LRIT3: variants seen among roughly 807,000 people sequenced by gnomAD.
The protein encoded by LRIT3 is leucine-rich repeat, immunoglobulin-like domain and transmembrane domain-containing protein 3.
Under a neutral mutation model 22.6 loss-of-function variants are expected in LRIT3, and 14 were observed. That is an observed-to-expected ratio of 0.62 (90% CI 0.41 to 0.97). The LOEUF (loss-of-function observed/expected upper bound fraction) is 0.97. LRIT3 is among the 50% of genes least tolerant of loss of function. The probability of loss-of-function intolerance (pLI) is 0.00; values close to 1 mark genes in which losing one functional copy is unlikely to be tolerated. For missense variants in LRIT3, 783 were observed against 803.0 expected (o/e 0.98, Z 0.30); for synonymous variants, 306 against 304.5 (o/e 1.01, Z -0.05).
intron 1 of LRIT3, among the ~76,000 whole-genome samples, chr4:109,850,414 C>T (rs1217953994): frequency 0.099 from 1,147 of 11,640 alleles, 85 homozygotes; most frequent in Middle Eastern, 0.17. Flanking sequence ...TTCCTTCCTT[C>T]CTTCCTTCCT....
rs150360181 is a variant in LRIT3, at chr4:109,853,147, G to A, written c.589+1171G>A. 4.1e-3 allele frequency among the ~76,000 whole-genome samples: 627 copies of A among 152,284 alleles called. 13 individuals are homozygous for A. Among genetic ancestry groups the A allele is most frequent in the African/African-American group, 0.014 (593 of 41,534 alleles). On this transcript the variant is annotated intron_variant, in intron 2 of 3. Transcript: ENST00000594814. ...GGTATTTCTGGTTCTAGGTCCTTGAGGAATTGCCACACTGTCTTCCACAAT... is the reference window on the plus strand; with the variant it reads ...GGTATTTCTGGTTCTAGGTCCTTGAAGAATTGCCACACTGTCTTCCACAAT...
intron 2 of LRIT3, among the ~76,000 whole-genome samples, chr4:109,863,017 C>T (rs531240212): frequency 2.0e-5 from 3 of 151,888 alleles, no homozygotes; most frequent in Non-Finnish European, 2.9e-5. Flanking sequence ...TAAATAATAG[C>T]GCTTATGACT....
chr4:109,854,920 C>T (rs547288436), intron 2 of LRIT3, among the ~76,000 whole-genome samples: 22 of 152,090 alleles, frequency 1.4e-4, no homozygotes, highest in Non-Finnish European at 1.6e-4. Flanking sequence ...AGGGATGAAG[C>T]CAACTTGATT....
At chr4:109,860,231 G>C (rs976903058) in intron 2 of LRIT3, among the ~76,000 whole-genome samples, 7 of 152,058 alleles carry the variant, frequency 4.6e-5, no homozygotes, top group African/African-American at 1.7e-4. Context: ...TGGGGGTGTT[G>C]TTTTACTTGT....
In LRIT3 at chr4:109,851,834, C is replaced by G. The variant is rs567813725; in HGVS notation, c.447C>G (p.Leu149=). Residue 149 remains leucine (L), a synonymous_variant, in exon 2 of 4, where the codon CTC becomes CTG. Transcript: ENST00000594814. ...NKITSVPNEA[L]RYLKNLAYLD... ...TAACCAGTGTGCCAAATGAGGCGCT[C>G]AGGTATCTGAAGAACCTTGCCTACT... The G allele has an allele frequency of 2.8e-5, 44 of 1,551,732 alleles. No homozygotes were observed. The East Asian group carries it at 4.6e-4, about 16-fold the overall frequency.
intron 3 of LRIT3, among the ~76,000 whole-genome samples, chr4:109,868,654 C>A (rs1467972568): frequency 6.6e-6 from 1 of 150,382 alleles, no homozygotes; most frequent in Non-Finnish European, 1.5e-5. Flanking sequence ...TATTATGAAT[C>A]AAAAAGTATA....
intron 2 of LRIT3, among the ~76,000 whole-genome samples, chr4:109,865,644 A>G (rs1302169130): frequency 6.6e-6 from 1 of 152,200 alleles, no homozygotes; most frequent in African/African-American, 2.4e-5. Flanking sequence ...ATTTTACAAA[A>G]GATTTTAAGT....
rs1734284481 is a variant in LRIT3, at chr4:109,851,956, C to T, written c.569C>T (p.Ser190Phe). ...VSTPSGVLDL[S>F]PSRIILGLQD... ...ACACCTTCTGGAGTCCTGGACCTTT[C>T]CCCAAGCAGGATTATTCTTGGTAAG... Residue 190 changes from serine (S) to phenylalanine (F), a missense_variant, in exon 2 of 4, where the codon TCC becomes TTC. Coordinates refer to ENST00000594814, the MANE Select transcript of LRIT3 (RefSeq NM_198506.5). The T allele has an allele frequency of 6.5e-7, 1 of 1,547,690 alleles. No homozygotes were observed. Among genetic ancestry groups the T allele is most frequent in the Non-Finnish European group, 8.7e-7 (1 of 1,145,416 alleles).
At position 109,867,912 on chromosome 4, in the gene LRIT3, G is replaced by T; in HGVS notation, c.861G>T (p.Trp287Cys). 6.2e-7 allele frequency: 1 copy of T among 1,612,144 alleles called. No homozygotes were observed. Among genetic ancestry groups the T allele is most frequent in the South Asian group, 1.1e-5 (1 of 91,006 alleles). ...GCTTCCCCACCCCACAGATCACATGGACCAGATCTGACAGCTCGCCAGTTA... is the reference window on the plus strand; with the variant it reads ...GCTTCCCCACCCCACAGATCACATGTACCAGATCTGACAGCTCGCCAGTTA... Reference protein sequence around the residue: ...ATGFPTPQITWTRSDSSPVNY... With the variant: ...ATGFPTPQITCTRSDSSPVNY... The change falls in exon 3 of 4, where the codon TGG (tryptophan) becomes TGT (cysteine). Residue 287 changes from tryptophan to cysteine, a missense_variant. Transcript: ENST00000594814.
chr4:109,867,711 C>G lies in LRIT3; in HGVS notation c.660C>G (p.Asp220Glu), dbSNP rs761469951. ...TGATTGAGTTGTCAAAGGTCGTTGA[C>G]CCTGCTATAGTGCTTCTGGATCCAC... ...SKMIELSKVVDPAIVLLDPLM... is the reference protein window; with the variant it reads ...SKMIELSKVVEPAIVLLDPLM... Residue 220 changes from aspartate (D) to glutamate (E), a missense_variant, in exon 3 of 4, where the codon GAC becomes GAG. This residue lies in a region of LRIT3 where 756 missense variants were observed against 753.8 expected (regional missense o/e 1.00). Transcript: ENST00000594814. 6.2e-7 allele frequency: 1 copy of G among 1,614,170 alleles called. No individual in the cohort carries two copies. Among genetic ancestry groups the G allele is most frequent in the South Asian group, 1.1e-5 (1 of 91,086 alleles).
intron 1 of LRIT3, among the ~76,000 whole-genome samples, chr4:109,851,121 A>G (rs1159039485): frequency 6.6e-6 from 1 of 152,240 alleles, no homozygotes; most frequent in Non-Finnish European, 1.5e-5. Context: ...TTGGAAAGTT[A>G]CTGAATGTTG....
rs1335766479 is a variant in LRIT3 at position 109,871,803 on chromosome 4, A to G, written c.*1014A>G. 2 of 152,210 alleles carry G rather than the reference A, an allele frequency of 1.3e-5. No homozygotes were observed. The highest frequency in any genetic ancestry group is 1.9e-4 in the East Asian group (1 of 5,200). 9.4% of individuals were successfully genotyped at this position (152,210 alleles called of 1,614,324 possible). ...AGCTTCAGTGGATTCATTTGGTTAG[A>G]TTCTTTTCCTAGGTTAAAAACATCG... On this transcript the variant is annotated 3_prime_UTR_variant, in exon 4 of 4. Transcript: ENST00000594814.
chr4:109,851,964 AGGATTATTCTT>A lies in LRIT3; in HGVS notation c.580_589+1del. ...TGGAGTCCTGGACCTTTCCCCAAGC[AGGATTATTCTT>A]GGTAAGCTCGCAAGCCTCTGGGCTT... On this transcript the variant is annotated frameshift_variant and splice_region_variant, in exon 2 of 4. Coordinates refer to ENST00000594814, the MANE Select transcript of LRIT3 (RefSeq NM_198506.5). LOFTEE classifies it high-confidence loss of function. The A allele has an allele frequency of 6.5e-7, 1 of 1,543,124 alleles. No homozygotes were observed. The highest frequency in any genetic ancestry group is 8.7e-7 in the Non-Finnish European group (1 of 1,143,408).
intron 1 of LRIT3, among the ~76,000 whole-genome samples, chr4:109,850,394 C>CCTT (rs1734189529): frequency 1.9e-3 from 1 of 540 alleles, no homozygotes; most frequent in Non-Finnish European, 6.2e-3. Flanking sequence ...TTCCTTCCTT[C>CCTT]CTTCCTTCCT....
At chr4:109,857,070 A>G (rs544843483) in intron 2 of LRIT3, among the ~76,000 whole-genome samples, 3 of 152,282 alleles carry the variant, frequency 2.0e-5, no homozygotes, top group African/African-American at 4.8e-5. Context: ...TTAAAATACT[A>G]TGATATTGAT....
At chr4:109,850,418 C>CTTTCTTTCTCTTTCTTTCTTTCTTT (rs1491056843) in intron 1 of LRIT3, among the ~76,000 whole-genome samples, 2 of 28,246 alleles carry the variant, frequency 7.1e-5, no homozygotes, top group Non-Finnish European at 1.3e-4. Context: ...TTCCTTCCTT[C>CTTTCTTTCTCTTTCTTTCTTTCTTT]CTTCCTTTCT....
chr4:109,862,453 A>G (rs1385290704), intron 2 of LRIT3, among the ~76,000 whole-genome samples: 1 of 152,210 alleles, frequency 6.6e-6, no homozygotes, highest in African/African-American at 2.4e-5. Context: ...CAGGTTTTAA[A>G]AATTGTACCT....
At chr4:109,861,528 C>T (rs1734546374) in intron 2 of LRIT3, among the ~76,000 whole-genome samples, 2 of 151,798 alleles carry the variant, frequency 1.3e-5, no homozygotes, top group Admixed American at 1.3e-4. Flanking sequence ...GTGGGTGGGT[C>T]AGGAAGCGGT....
chr4:109,854,349 A>G (rs952540801), intron 2 of LRIT3, among the ~76,000 whole-genome samples: 6 of 152,144 alleles, frequency 3.9e-5, no homozygotes, highest in Non-Finnish European at 7.4e-5. Context: ...CTTTTTACCA[A>G]TTGTGAATGG....
Sources: allele counts gnomAD v4.1 joint callset (sites outside exome capture counted in the v4.1 genomes callset), GRCh38; gene constraint gnomAD v4.1.1; regional missense constraint gnomAD v4.1.1; transcripts MANE v1.5; gene names NCBI Gene and HGNC (gene_info 2026-07-23, HGNC 2026-07-21).